The following ENTREP2 variants were observed in gnomAD, a reference collection of about 807,000 sequenced individuals.
ENTREP2 encodes the protein endosomal transmembrane epsin interactor 2.
the ENTREP2 span, among the ~76,000 whole-genome samples, chr15:29,595,067 C>CAAAAAAAAAAA: frequency 3.5e-5 from 3 of 86,586 alleles, no homozygotes; most frequent in South Asian, 4.2e-4. Context: ...GACTCCGTCT[C>CAAAAAAAAAAA]AAAAAAAAAA....
chr15:29,578,595 T>C, the ENTREP2 span, among the ~76,000 whole-genome samples: 1 of 152,242 alleles, frequency 6.6e-6, no homozygotes, highest in African/African-American at 2.4e-5. Flanking sequence ...TATTACTTCA[T>C]AGGTTTTGTG....
chr15:29,588,999 A>G, the ENTREP2 span, among the ~76,000 whole-genome samples: 1 of 152,018 alleles, frequency 6.6e-6, no homozygotes, highest in Non-Finnish European at 1.5e-5. Flanking sequence ...CAGAAAAAAA[A>G]AAAAAGAAAA....
chr15:29,356,106 T>TTTTTTTTTTTTTTTTTTTTTGACGG, the ENTREP2 span, among the ~76,000 whole-genome samples: 1 of 151,448 alleles, frequency 6.6e-6, no homozygotes, highest in African/African-American at 2.4e-5. Flanking sequence ...ACTCTATTCT[T>TTTTTTTTTTTTTTTTTTTTTGACGG]AAAACAAGTG....
the ENTREP2 span, among the ~76,000 whole-genome samples, chr15:29,473,271 G>A: frequency 1.3e-4 from 20 of 150,386 alleles, no homozygotes; most frequent in Admixed American, 7.4e-4. Flanking sequence ...TGACTAACCC[G>A]GGTAACCTGT....
chr15:29,150,313 G>A, the ENTREP2 span, among the ~76,000 whole-genome samples: 9 of 152,152 alleles, frequency 5.9e-5, no homozygotes, highest in African/African-American at 1.4e-4. Context: ...TCTGCACACT[G>A]CTGTTATACT....
At chr15:29,118,982 G>A in the ENTREP2 span, among the ~76,000 whole-genome samples, 1 of 152,172 alleles carries the variant, frequency 6.6e-6, no homozygotes, top group Non-Finnish European at 1.5e-5. Flanking sequence ...CTTGCTGTGG[G>A]CACTGACCAC....
chr15:29,320,092 C>T, the ENTREP2 span, among the ~76,000 whole-genome samples: 3 of 152,176 alleles, frequency 2.0e-5, no homozygotes, highest in African/African-American at 7.2e-5. Context: ...GTGCAGCCTT[C>T]CTGTCTCACC....
the ENTREP2 span, among the ~76,000 whole-genome samples, chr15:29,419,233 A>C: frequency 6.6e-6 from 1 of 152,240 alleles, no homozygotes; most frequent in African/African-American, 2.4e-5. Flanking sequence ...AAGAAAACAG[A>C]GAAAAAGATG....
the ENTREP2 span, among the ~76,000 whole-genome samples, chr15:29,674,132 G>GGT: frequency 6.9e-6 from 1 of 145,538 alleles, no homozygotes; most frequent in Non-Finnish European, 1.5e-5. Context: ...AGAGGATGGG[G>GGT]GGGGGGGGGG....
the ENTREP2 span, among the ~76,000 whole-genome samples, chr15:29,656,102 C>T: frequency 6.6e-6 from 1 of 151,212 alleles, no homozygotes; most frequent in African/African-American, 2.4e-5. Context: ...AAGCTCCCAC[C>T]TTTGAATTCT....
At chr15:29,196,913 C>T in the ENTREP2 span, among the ~76,000 whole-genome samples, 1 of 152,282 alleles carries the variant, frequency 6.6e-6, no homozygotes, top group East Asian at 1.9e-4. Context: ...AGCTCTGTGC[C>T]TTGGCTCATT....
At chr15:29,363,786 C>T in the ENTREP2 span, among the ~76,000 whole-genome samples, 1 of 152,182 alleles carries the variant, frequency 6.6e-6, no homozygotes, top group African/African-American at 2.4e-5. Flanking sequence ...TGACAAGAAT[C>T]GAGCATTTAT....
the ENTREP2 span, among the ~76,000 whole-genome samples, chr15:29,590,231 C>G: frequency 1.3e-5 from 2 of 152,036 alleles, no homozygotes; most frequent in African/African-American, 4.8e-5. Flanking sequence ...GTTCCATGGC[C>G]AGGTTCAGCG....
chr15:29,551,640 T>C, the ENTREP2 span, among the ~76,000 whole-genome samples: 1 of 151,104 alleles, frequency 6.6e-6, no homozygotes, highest in Non-Finnish European at 1.5e-5. Flanking sequence ...AATAAGACAA[T>C]GATGGGACTA....
At chr15:29,260,779 T>A in the ENTREP2 span, among the ~76,000 whole-genome samples, 1 of 152,100 alleles carries the variant, frequency 6.6e-6, no homozygotes, top group East Asian at 1.9e-4. Context: ...ATAAAAAATT[T>A]AAAAACAGAT....
chr15:29,402,598 C>T, the ENTREP2 span, among the ~76,000 whole-genome samples: 1 of 152,310 alleles, frequency 6.6e-6, no homozygotes, highest in South Asian at 2.1e-4. Flanking sequence ...GTGTGAACCA[C>T]TGTGCCCAGC....
At chr15:29,275,730 A>T in the ENTREP2 span, among the ~76,000 whole-genome samples, 1 of 152,242 alleles carries the variant, frequency 6.6e-6, no homozygotes, top group Non-Finnish European at 1.5e-5. Context: ...ATTATCTACT[A>T]GATTCTCCTC....
chr15:29,118,609 C>T, the ENTREP2 span, among the ~76,000 whole-genome samples: 30 of 152,310 alleles, frequency 2.0e-4, no homozygotes, highest in African/African-American at 6.0e-4. Flanking sequence ...GAGACACGTC[C>T]GCAGAGCACT....
chr15:29,126,846 C>A, the ENTREP2 span, among the ~76,000 whole-genome samples: 1 of 152,160 alleles, frequency 6.6e-6, no homozygotes, highest in Non-Finnish European at 1.5e-5. Context: ...CCCACCAGGT[C>A]GCGGCAGGCC....
Sources: allele counts gnomAD v4.1 joint callset (sites outside exome capture counted in the v4.1 genomes callset), GRCh38; gene constraint gnomAD v4.1.1; transcripts MANE v1.5; gene names NCBI Gene and HGNC (gene_info 2026-07-23, HGNC 2026-07-21).